Variants in NFATC3 observed in about 807,000 individuals in gnomAD.
NFATC3 encodes the protein nuclear factor of activated T-cells, cytoplasmic 3.
In NFATC3, 46 loss-of-function variants were observed where a neutral mutation model predicts 98.6. That is an observed-to-expected ratio of 0.47 (90% CI 0.37 to 0.60). The LOEUF (loss-of-function observed/expected upper bound fraction) is 0.60. Ranked by LOEUF, NFATC3 falls within the 20% of genes least tolerant of loss-of-function variation. The pLI is 0.00. For synonymous variants in NFATC3, 512 were observed against 472.2 expected, an observed-to-expected ratio of 1.08 and a Z score of -1.09; for missense variants, 1,256 against 1,295.5, an observed-to-expected ratio of 0.97 and a Z score of 0.47.
At chr16:68,131,166 T>G (rs2037093138) in intron 3 of NFATC3, among the ~76,000 whole-genome samples, 1 of 152,222 alleles carries the variant, frequency 6.6e-6, no homozygotes, top group African/African-American at 2.4e-5. Flanking sequence ...TAAGATTGTT[T>G]TTTCTATTTC....
At chr16:68,119,626 G>A (rs923491680) in intron 1 of NFATC3, among the ~76,000 whole-genome samples, 11 of 152,056 alleles carry the variant, frequency 7.2e-5, no homozygotes, top group Admixed American at 5.2e-4. Flanking sequence ...TTTCTGTATA[G>A]CTCAGTTACA....
chr16:68,199,537 TAAA>T (rs779667582), intron 9 of NFATC3, among the ~76,000 whole-genome samples: 1 of 126,812 alleles, frequency 7.9e-6, no homozygotes. Flanking sequence ...AGACCCTGTT[TAAA>T]AAAAAAAAAA....
At chr16:68,086,754 T>C (rs1160657214) in intron 1 of NFATC3, 3 of 985,330 alleles carry the variant, frequency 3.0e-6, no homozygotes, top group Admixed American at 6.1e-5. Context: ...TAGAGTTGCA[T>C]TGAAAAAACA....
chr16:68,180,482 TTTTA>T (rs1164797754), intron 6 of NFATC3, among the ~76,000 whole-genome samples: 1 of 152,128 alleles, frequency 6.6e-6, no homozygotes, highest in African/African-American at 2.4e-5. Flanking sequence ...CTCAGAGGGC[TTTTA>T]TTTGTTTTTT....
At position 68,191,392 on chromosome 16, in the gene NFATC3, C is replaced by T; in HGVS notation, c.2723C>T (p.Ser908Phe). 6 of 1,614,202 alleles carry T rather than the reference C, an allele frequency of 3.7e-6. No individual in the cohort carries two copies. Among genetic ancestry groups the T allele is most frequent in the Non-Finnish European group, 5.1e-6 (6 of 1,180,036 alleles). Reference protein sequence around the residue: ...VADQITGQPSSQLQPITYGPS... With the variant: ...VADQITGQPSFQLQPITYGPS... ...GACCAGATTACAGGTCAGCCTTCGT[C>T]TCAGTTACAACCTATTACATATGGT... Residue 908 changes from serine (S) to phenylalanine (F), a missense_variant, in exon 9 of 10, where the codon TCT becomes TTT. Physicochemically the swap from Ser to Phe is radical, Grantham distance 155. Around this residue, in one of 3 missense-constraint regions of NFATC3, gnomAD observed 636 missense variants for 617.3 expected, o/e 1.03. Transcript: ENST00000346183.
At chr16:68,110,616 A>AT (rs111337363) in intron 1 of NFATC3, among the ~76,000 whole-genome samples, 6,101 of 147,242 alleles carry the variant, frequency 0.041, 368 homozygotes, top group African/African-American at 0.14. Flanking sequence ...GCCCAGCCTG[A>AT]TTTTTTTTTT....
chr16:68,089,453 GAC>G (rs1187216114), intron 1 of NFATC3: 9 of 229,888 alleles, frequency 3.9e-5, no homozygotes, highest in African/African-American at 2.1e-4. Context: ...TATTTTTTTA[GAC>G]AGTCACATTT....
intron 3 of NFATC3, among the ~76,000 whole-genome samples, chr16:68,134,150 CAT>C (rs1487593316): frequency 6.6e-6 from 1 of 152,110 alleles, no homozygotes; most frequent in East Asian, 1.9e-4. Flanking sequence ...AACATCTTAA[CAT>C]ATTTATTGGA....
intron 4 of NFATC3, among the ~76,000 whole-genome samples, chr16:68,160,960 CATCT>C (rs10611489): frequency 0.29 from 43,867 of 151,844 alleles, 8,273 homozygotes; most frequent in African/African-American, 0.54. Context: ...GCTGGGATTA[CATCT>C]AGATGTGAGC....
chr16:68,123,178 A>G, intron 2 of NFATC3, 57 bp downstream of exon 2: 1 of 1,504,384 alleles, frequency 6.6e-7, no homozygotes, highest in Non-Finnish European at 8.9e-7. Flanking sequence ...CATTGGTGGC[A>G]TATAACTACA....
chr16:68,190,124 T>A (rs1671387306), intron 8 of NFATC3, among the ~76,000 whole-genome samples: 1 of 152,274 alleles, frequency 6.6e-6, no homozygotes, highest in Non-Finnish European at 1.5e-5. Context: ...ACTATTTTTG[T>A]ATGTTGATTT....
chr16:68,128,525 G>A (rs1284463862), intron 3 of NFATC3, among the ~76,000 whole-genome samples: 1 of 151,708 alleles, frequency 6.6e-6, no homozygotes, highest in Non-Finnish European at 1.5e-5. Flanking sequence ...AAGTCTTTTG[G>A]GAGGGTACAT....
chr16:68,095,728 C>G (rs2034988002), intron 1 of NFATC3, among the ~76,000 whole-genome samples: 1 of 152,098 alleles, frequency 6.6e-6, no homozygotes, highest in East Asian at 1.9e-4. Context: ...TTTTCTTTTG[C>G]TTTGTCAGAG....
chr16:68,209,674 T>C, intron 9 of NFATC3: 1 of 405,860 alleles, frequency 2.5e-6, no homozygotes, highest in South Asian at 2.0e-5. Flanking sequence ...CAAATCAACC[T>C]ACTTAAGGTT....
At chr16:68,121,110 A>G (rs1411938848) in intron 1 of NFATC3, among the ~76,000 whole-genome samples, 4 of 151,788 alleles carry the variant, frequency 2.6e-5, no homozygotes, top group Non-Finnish European at 5.9e-5. Context: ...AAAATCCAAA[A>G]TCCCAAGCAC....
chr16:68,098,402 A>T (rs1434517790), intron 1 of NFATC3, among the ~76,000 whole-genome samples: 1 of 149,234 alleles, frequency 6.7e-6, no homozygotes, highest in East Asian at 2.0e-4. Flanking sequence ...CCCTCGTTCA[A>T]GTTGTTCTCC....
chr16:68,210,073 G>A (rs1009775657), intron 9 of NFATC3, among the ~76,000 whole-genome samples: 2 of 152,052 alleles, frequency 1.3e-5, no homozygotes, highest in Admixed American at 1.3e-4. Flanking sequence ...CGAGGTGGGC[G>A]GATCACGAGG....
intron 2 of NFATC3, among the ~76,000 whole-genome samples, chr16:68,124,285 T>C (rs1288331524): frequency 1.3e-5 from 2 of 151,902 alleles, no homozygotes; most frequent in Non-Finnish European, 2.9e-5. Context: ...AAATTTTTTT[T>C]GTTTTTTTTG....
chr16:68,202,262 G>A (rs2040956906), intron 9 of NFATC3, among the ~76,000 whole-genome samples: 1 of 152,034 alleles, frequency 6.6e-6, no homozygotes, highest in Non-Finnish European at 1.5e-5. Flanking sequence ...TAGGGCATTT[G>A]GTAATTCAGC....
Sources: gnomAD v4.1 joint callset for allele counts (sites outside exome capture counted in the v4.1 genomes callset) on GRCh38, gnomAD v4.1.1 for gene constraint, gnomAD v4.1.1 regional missense constraint, MANE v1.5 for transcripts, NCBI Gene and HGNC (gene_info 2026-07-23, HGNC 2026-07-21) for gene names.